The following NPSR1 variants were observed in gnomAD, a reference collection of about 807,000 sequenced individuals.
NPSR1 encodes neuropeptide S receptor.
NPSR1 carries 48 observed loss-of-function variants against 46.9 expected under a neutral mutation model. The observed-to-expected ratio is 1.02, with a 90% CI of 0.81 to 1.30. NPSR1 has a LOEUF of 1.30. NPSR1 is among the 50% of genes most tolerant of loss of function. The probability of loss-of-function intolerance (pLI) is 0.00; values close to 1 mark genes in which losing one functional copy is unlikely to be tolerated. For missense variants in NPSR1, 450 were observed against 449.5 expected, an observed-to-expected ratio of 1.00 and a Z score of -0.01; for synonymous variants, 176 against 168.1, an observed-to-expected ratio of 1.05 and a Z score of -0.36.
In NPSR1 at chr7:34,827,427, A is replaced by T; in HGVS notation, c.505A>T (p.Ile169Phe). ...AAAGCAAGCCAGGGTCCTCATTGTGATCGCCTGGAGCCTGTCTTTTCTGTT... is the reference window on the plus strand; with the variant it reads ...AAAGCAAGCCAGGGTCCTCATTGTGTTCGCCTGGAGCCTGTCTTTTCTGTT... ...GEKQARVLIV[I>F]AWSLSFLFSI... Residue 169 changes from isoleucine to phenylalanine, a missense_variant, in exon 5 of 9, where the codon ATC (isoleucine) becomes TTC (phenylalanine). Ile to Phe is a conservative substitution (Grantham distance 21). Transcript: ENST00000360581. 6.2e-7 allele frequency: 1 copy of T among 1,614,018 alleles called. No homozygotes were observed. Among genetic ancestry groups the T allele is most frequent in the East Asian group, 2.2e-5 (1 of 44,862 alleles).
At chr7:34,843,734 G>T (rs538214859) in intron 6 of NPSR1, among the ~76,000 whole-genome samples, 1 of 152,360 alleles carries the variant, frequency 6.6e-6, no homozygotes, top group South Asian at 2.1e-4. Flanking sequence ...CATCTGACTG[G>T]TTTCCATGGG....
chr7:34,811,699 G>C, intron 3 of NPSR1, 71 bp from the exon 4 acceptor site: 1 of 1,023,302 alleles, frequency 9.8e-7, no homozygotes, highest in Non-Finnish European at 1.5e-6. Flanking sequence ...AACACAAGGT[G>C]CTATTCTTTC....
At chr7:34,781,633 G>C (rs542311114) in intron 3 of NPSR1, among the ~76,000 whole-genome samples, 8 of 152,274 alleles carry the variant, frequency 5.3e-5, no homozygotes, top group African/African-American at 1.9e-4. Flanking sequence ...CCCAGAGGGG[G>C]AGATGTGGCT....
chr7:34,692,028 G>A (rs1793289182), intron 2 of NPSR1, among the ~76,000 whole-genome samples: 1 of 152,136 alleles, frequency 6.6e-6, no homozygotes, highest in South Asian at 2.1e-4. Context: ...CAACTTGCAA[G>A]GCTGAGCTGG....
intron 2 of NPSR1, among the ~76,000 whole-genome samples, chr7:34,688,272 G>T (rs989337458): frequency 6.6e-6 from 1 of 152,182 alleles, no homozygotes; most frequent in Non-Finnish European, 1.5e-5. Context: ...CATGCACAAC[G>T]TTCAGCACTT....
In NPSR1 at chr7:34,751,893, G is replaced by A. The variant is rs567882947; in HGVS notation, c.281-26569G>A. On this transcript the variant is annotated intron_variant, in intron 2 of 8. Transcript: ENST00000360581. ...GTGGGTCTGGTGGACAAAGCCTTTCGGGACCGTCTCCCGCAGTCACTCAAA... is the reference window on the plus strand; with the variant it reads ...GTGGGTCTGGTGGACAAAGCCTTTCAGGACCGTCTCCCGCAGTCACTCAAA... The A allele has an allele frequency of 1.9e-5, 29 of 1,522,362 alleles. 2 individuals carry two copies. The South Asian group carries it at 2.8e-4, about 15-fold the overall frequency. 94.3% of individuals were successfully genotyped at this position (1,522,362 alleles called of 1,614,324 possible). A position where few individuals can be genotyped will look rare whatever the true frequency, so the allele number is the denominator to read the frequency against.
chr7:34,874,243 G>A (rs1051637066), intron 8 of NPSR1, among the ~76,000 whole-genome samples: 2 of 152,194 alleles, frequency 1.3e-5, no homozygotes, highest in Non-Finnish European at 2.9e-5. Flanking sequence ...GCTTATCTGT[G>A]TGCACCTCCC....
intron 2 of NPSR1, among the ~76,000 whole-genome samples, chr7:34,770,700 G>A (rs561596559): frequency 2.5e-4 from 38 of 152,298 alleles, no homozygotes; most frequent in African/African-American, 8.9e-4. Context: ...AATGCCACAT[G>A]GGGACCTGAC....
At chr7:34,720,921 A>G (rs1783824677) in intron 2 of NPSR1, among the ~76,000 whole-genome samples, 1 of 152,218 alleles carries the variant, frequency 6.6e-6, no homozygotes, top group Non-Finnish European at 1.5e-5. Context: ...GAACTGTATA[A>G]GTACACTTTA....
At chr7:34,710,115 A>G (rs1268684713) in intron 2 of NPSR1, among the ~76,000 whole-genome samples, 1 of 152,234 alleles carries the variant, frequency 6.6e-6, no homozygotes, top group Non-Finnish European at 1.5e-5. Flanking sequence ...AACTCAAGCC[A>G]TAGCTTCCAC....
In NPSR1 at chr7:34,821,127, CTTTTT is replaced by C. The variant is rs35086136; in HGVS notation, c.479-6252_479-6248del. On this transcript the variant is annotated intron_variant, in intron 4 of 8. Coordinates refer to ENST00000360581, the MANE Select transcript of NPSR1 (RefSeq NM_207172.2). ...TTTACATTCATGGATTTGTGATACA[CTTTTT>C]TTTTTTTTTTTTTTTTTTTTTAGAC... Among the ~76,000 whole-genome samples the C allele has an allele frequency of 1.7e-3, 163 of 94,880 alleles. 2 individuals carry two copies. Among genetic ancestry groups the C allele is most frequent in the African/African-American group, 6.3e-3 (159 of 25,286 alleles). 62.2% of individuals were successfully genotyped at this position (94,880 alleles called of 152,430 possible).
chr7:34,782,343 A>C (rs1375942958), intron 3 of NPSR1, among the ~76,000 whole-genome samples: 10 of 152,102 alleles, frequency 6.6e-5, no homozygotes. Context: ...ATCTAGTACC[A>C]AGAGAAATCT....
At chr7:34,852,290 A>C (rs1790953171), downstream of NPSR1, among the ~76,000 whole-genome samples, 2 of 152,048 alleles carry the variant, frequency 1.3e-5, no homozygotes, top group Admixed American at 1.3e-4. Context: ...AGAGAGCGAG[A>C]ATCCGTCTCA....
chr7:34,849,107 T>C (rs1790847690), intron 8 of NPSR1, among the ~76,000 whole-genome samples: 1 of 152,268 alleles, frequency 6.6e-6, no homozygotes, highest in Non-Finnish European at 1.5e-5. Context: ...ATTGTCATTC[T>C]TCTGTTTTTC....
At chr7:34,661,630 C>G (rs557785352) in intron 1 of NPSR1, among the ~76,000 whole-genome samples, 3 of 152,312 alleles carry the variant, frequency 2.0e-5, no homozygotes, top group Admixed American at 6.5e-5. Context: ...CTAACCTACT[C>G]TACCTTCCTA....
intron 4 of NPSR1, among the ~76,000 whole-genome samples, chr7:34,820,278 C>A (rs1584093260): frequency 6.6e-6 from 1 of 151,882 alleles, no homozygotes; most frequent in East Asian, 1.9e-4. Flanking sequence ...TTTTTATATG[C>A]CAATTATACA....
intron 2 of NPSR1, among the ~76,000 whole-genome samples, chr7:34,729,439 G>A (rs1784319690): frequency 6.6e-6 from 1 of 152,108 alleles, no homozygotes. Flanking sequence ...CAAAGAGTCT[G>A]TATCTATGGC....
intron 3 of NPSR1, among the ~76,000 whole-genome samples, chr7:34,792,687 A>ATTTATATATATATG (rs1438615568): frequency 1.2e-5 from 1 of 85,632 alleles, no homozygotes; most frequent in African/African-American, 4.0e-5. Context: ...ATATATATAT[A>ATTTATATATATATG]TGTATATATA....
intron 2 of NPSR1, among the ~76,000 whole-genome samples, chr7:34,771,704 G>A (rs17789096): frequency 0.14 from 21,049 of 152,180 alleles, 1,609 homozygotes; most frequent in Non-Finnish European, 0.17. Flanking sequence ...AGGCAGTCGA[G>A]CACTGACTTC....
Sources: gnomAD v4.1 joint callset for allele counts (sites outside exome capture counted in the v4.1 genomes callset) on GRCh38, gnomAD v4.1.1 for gene constraint, MANE v1.5 for transcripts, NCBI Gene and HGNC (gene_info 2026-07-23, HGNC 2026-07-21) for gene names.